PRRC2B: variants seen among roughly 807,000 people sequenced by gnomAD.
PRRC2B encodes the protein proline rich coiled-coil 2B.
A neutral mutation model predicts 242.3 loss-of-function variants in PRRC2B; 68 were observed. That is an observed-to-expected ratio of 0.28 (90% CI 0.23 to 0.34). The LOEUF is 0.34. Ranked by LOEUF, PRRC2B falls within the 10% of genes least tolerant of loss-of-function variation. The probability of loss-of-function intolerance (pLI) is 1.00; values close to 1 mark genes in which losing one functional copy is unlikely to be tolerated. For missense variants in PRRC2B, 2,835 were observed against 2,954.8 expected, an observed-to-expected ratio of 0.96 and a Z score of 0.94; for synonymous variants, 1,228 against 1,173.6, an observed-to-expected ratio of 1.05 and a Z score of -0.95.
At chr9:131,397,893 G>T (rs1012902318) in intron 1 of PRRC2B, among the ~76,000 whole-genome samples, 2 of 152,076 alleles carry the variant, frequency 1.3e-5, no homozygotes, top group Non-Finnish European at 2.9e-5. Flanking sequence ...TCCAAATCTT[G>T]TAATTTTGGT....
intron 11 of PRRC2B, among the ~76,000 whole-genome samples, chr9:131,463,377 G>A (rs1190683654): frequency 2.0e-5 from 3 of 152,064 alleles, no homozygotes; most frequent in Non-Finnish European, 4.4e-5. Context: ...TCCTTGATTT[G>A]ATTTTTGACA....
At chr9:131,459,137 C>G in intron 10 of PRRC2B, 27 bp from the exon 11 acceptor site, 1 of 1,603,658 alleles carries the variant, frequency 6.2e-7, no homozygotes, top group Non-Finnish European at 8.5e-7. Context: ...AGTGCAAAAA[C>G]TTAACATCAA....
upstream of PRRC2B, among the ~76,000 whole-genome samples, chr9:131,393,284 T>C (rs574049988): frequency 1.3e-5 from 2 of 152,300 alleles, no homozygotes; most frequent in Non-Finnish European, 2.9e-5. Flanking sequence ...GTGGGATGAT[T>C]TGGGTGCCAG....
intron 9 of PRRC2B, among the ~76,000 whole-genome samples, chr9:131,450,180 C>G (rs1480768796): frequency 6.6e-6 from 1 of 152,104 alleles, no homozygotes; most frequent in Non-Finnish European, 1.5e-5. Context: ...AATTTAGAAT[C>G]AACCTGTCAG....
intron 28 of PRRC2B, among the ~76,000 whole-genome samples, chr9:131,489,848 C>A (rs1285142703): frequency 6.6e-6 from 1 of 152,102 alleles, no homozygotes; most frequent in African/African-American, 2.4e-5. Context: ...GTAATCCCGC[C>A]CCCCACACCC....
Position 131,442,094 on chromosome 9 carries a change from G to T in PRRC2B, c.470-2091G>T, listed in dbSNP as rs1035656804. Among the ~76,000 whole-genome samples the T allele has an allele frequency of 1.1e-4, 17 of 151,992 alleles. 1 individual carries two copies. The highest frequency in any genetic ancestry group is 4.1e-4 in the African/African-American group (17 of 41,392). ...GGAACAGCAATGTTGGACAGGTGCT[G>T]GTTTTTTTCCTAATTTCAAATCTAC... On this transcript the variant is annotated intron_variant, in intron 5 of 31. Transcript: ENST00000683519.
chr9:131,381,642 A>G lies in PRRC2B; in HGVS notation c.-56+7911A>G, dbSNP rs555115645. On this transcript the variant is annotated intron_variant, in intron 1 of 1. Coordinates refer to the PRRC2B transcript ENST00000682525. ...CACCGTGTTAGCCAGGATGGTCTTG[A>G]TCTCCTGACCTCGTGATCTGCCTGC... Among the ~76,000 whole-genome samples, 14 of 151,932 alleles carry G rather than the reference A, an allele frequency of 9.2e-5. No individual in the cohort carries two copies. The South Asian group carries it at 2.7e-3, about 29-fold the overall frequency.
At chr9:131,390,189 A>T (rs564855967), upstream of PRRC2B, among the ~76,000 whole-genome samples, 5 of 150,364 alleles carry the variant, frequency 3.3e-5, no homozygotes, top group East Asian at 1.0e-3. Context: ...CTGGGATTAC[A>T]GGCGTGAGCC....
At chr9:131,486,022 G>T in intron 25 of PRRC2B, 63 bp from the exon 26 acceptor site, 3 of 1,119,950 alleles carry the variant, frequency 2.7e-6, no homozygotes, top group Non-Finnish European at 4.0e-6. Context: ...GTTTCCCTCA[G>T]GGACATTGAG....
intron 1 of PRRC2B, among the ~76,000 whole-genome samples, chr9:131,400,335 T>C (rs1162970521): frequency 6.6e-6 from 1 of 151,946 alleles, no homozygotes; most frequent in Non-Finnish European, 1.5e-5. Flanking sequence ...CTTTTTTTTT[T>C]TGAGATGGCA....
chr9:131,398,706 A>G (rs142397907), intron 1 of PRRC2B, among the ~76,000 whole-genome samples: 69 of 152,292 alleles, frequency 4.5e-4, no homozygotes, highest in African/African-American at 1.6e-3. Context: ...TGGTAGGGCA[A>G]GGTGGCTCAT....
At chr9:131,485,173 CT>C (rs1401108716) in intron 25 of PRRC2B, 33 bp downstream of exon 25, 37 of 1,484,688 alleles carry the variant, frequency 2.5e-5, no homozygotes, top group Non-Finnish European at 3.1e-5. Context: ...CCTTGGGGTC[CT>C]TCTCCATTTA....
chr9:131,474,091 A>G (rs1170130694), intron 15 of PRRC2B, among the ~76,000 whole-genome samples: 1 of 152,074 alleles, frequency 6.6e-6, no homozygotes, highest in Admixed American at 6.5e-5. Flanking sequence ...CAGACTCTTC[A>G]CGGCCTCCCA....
intron 18 of PRRC2B, 76 bp from the exon 19 acceptor site, chr9:131,479,176 T>C: frequency 6.8e-7 from 1 of 1,479,612 alleles, no homozygotes; most frequent in Admixed American, 1.8e-5. Context: ...TTTTGGTACC[T>C]GGGATACTTA....
rs114773454 is a variant in PRRC2B, at chr9:131,474,601, A to G, written c.2472A>G (p.Arg824=). Reference sequence around the variant, plus strand: ...TTGACAGCTGTATCTCTTCTCAAAGAATAGGCCAGGAGCTTTTGTTTCCAC... The same window carrying G: ...TTGACAGCTGTATCTCTTCTCAAAGGATAGGCCAGGAGCTTTTGTTTCCAC... The part of the protein sequence containing the change: ...ADFDSCISSQ[R]IGQELLFPPQ... The change falls in exon 16 of 32, where the codon AGA becomes AGG. Residue 824 remains arginine, a synonymous_variant. Transcript: ENST00000683519. 7.2e-4 allele frequency: 1,158 copies of G among 1,614,050 alleles called. 5 individuals carry two copies. The African/African-American group carries it at 0.014, about 19-fold the overall frequency.
chr9:131,378,666 TTG>T (rs1836716709), intron 1 of PRRC2B, among the ~76,000 whole-genome samples: 1 of 152,178 alleles, frequency 6.6e-6, no homozygotes, highest in Non-Finnish European at 1.5e-5. Context: ...TACCAGCTTT[TTG>T]TCTCTGTGGA....
rs778603862 is a variant in PRRC2B, at chr9:131,476,195, C to A, written c.4066C>A (p.Arg1356Ser). Residue 1356 changes from arginine (R) to serine (S), a missense_variant, in exon 16 of 32, where the codon CGC becomes AGC. By Grantham distance (110) the Arg-to-Ser change is moderately radical (BLOSUM62 -1). Transcript: ENST00000683519. ...CSGDKSGTVG[R>S]RSPELSYQNS... ...TGGGGACAAGAGTGGCACTGTGGGCCGCAGGTCCCCTGAGCTCTCCTACCA... is the reference window on the plus strand; with the variant it reads ...TGGGGACAAGAGTGGCACTGTGGGCAGCAGGTCCCCTGAGCTCTCCTACCA... 2.5e-6 allele frequency: 4 copies of A among 1,613,432 alleles called. No individual in the cohort carries two copies. The highest frequency in any genetic ancestry group is 3.4e-6 in the Non-Finnish European group (4 of 1,179,868).
intron 1 of PRRC2B, among the ~76,000 whole-genome samples, chr9:131,419,272 T>C (rs1289639132): frequency 2.6e-5 from 4 of 152,216 alleles, no homozygotes; most frequent in Admixed American, 2.0e-4. Context: ...CATCTCTGTC[T>C]TCCTGAGAAT....
At chr9:131,493,902 T>TC (rs1484707481) in intron 30 of PRRC2B, among the ~76,000 whole-genome samples, 1 of 151,770 alleles carries the variant, frequency 6.6e-6, no homozygotes, top group Non-Finnish European at 1.5e-5. Context: ...CTAATTAACA[T>TC]CCCTGGGAAC....
Sources: allele counts gnomAD v4.1 joint callset (sites outside exome capture counted in the v4.1 genomes callset), GRCh38; gene constraint gnomAD v4.1.1; transcripts MANE v1.5; gene names NCBI Gene and HGNC (gene_info 2026-07-23, HGNC 2026-07-21).